The following PTK2 variants were observed in gnomAD, a reference collection of about 807,000 sequenced individuals.
The protein encoded by PTK2 is focal adhesion kinase 1.
In PTK2, 45 loss-of-function variants were observed where a neutral mutation model predicts 150.1. That is an observed-to-expected ratio of 0.30 (90% CI 0.24 to 0.38). The LOEUF (loss-of-function observed/expected upper bound fraction) is 0.38, where lower values mean the gene tolerates loss of function less well. PTK2 is among the 10% of genes least tolerant of loss of function. The pLI, the probability that PTK2 is intolerant of heterozygous loss-of-function variation, is 1.00. For missense variants in PTK2, 919 were observed against 1,307.3 expected (o/e 0.70, Z 4.58); for synonymous variants, 432 against 449.2 (o/e 0.96, Z 0.48).
chr8:140,831,908 T>C (rs1354195737), intron 7 of PTK2, among the ~76,000 whole-genome samples: 1 of 152,190 alleles, frequency 6.6e-6, no homozygotes, highest in Non-Finnish European at 1.5e-5. Flanking sequence ...ATTTTAAGAA[T>C]TTTTATGCCA....
intron 27 of PTK2, among the ~76,000 whole-genome samples, chr8:140,684,563 C>A (rs1441525446): frequency 2.0e-5 from 3 of 152,206 alleles, no homozygotes; most frequent in Non-Finnish European, 4.4e-5. Context: ...TTTCTCTACA[C>A]CAACAACATC....
intron 4 of PTK2, among the ~76,000 whole-genome samples, chr8:140,876,816 T>C (rs1042057926): frequency 2.0e-5 from 3 of 152,126 alleles, no homozygotes; most frequent in Admixed American, 6.5e-5. Context: ...AATCCTGTGA[T>C]TTCTACAACT....
chr8:140,905,846 A>G (rs1398206305), intron 2 of PTK2, among the ~76,000 whole-genome samples: 1 of 152,220 alleles, frequency 6.6e-6, no homozygotes, highest in Non-Finnish European at 1.5e-5. Flanking sequence ...ATCAAATTGG[A>G]ACTCAGGATT....
intron 1 of PTK2, among the ~76,000 whole-genome samples, chr8:140,982,064 TAAAA>T (rs142919207): frequency 6.6e-4 from 74 of 112,316 alleles, no homozygotes; most frequent in African/African-American, 6.5e-4. Context: ...ACCAACTCAA[TAAAA>T]AAAAAAAAAA....
At chr8:140,767,041 C>T (rs1203314891) in intron 14 of PTK2, among the ~76,000 whole-genome samples, 2 of 152,166 alleles carry the variant, frequency 1.3e-5, no homozygotes, top group Non-Finnish European at 2.9e-5. Flanking sequence ...TTCCTGTGTG[C>T]TGATACTCTC....
intron 1 of PTK2, among the ~76,000 whole-genome samples, chr8:140,936,965 G>A (rs183206239): frequency 7.5e-4 from 114 of 151,690 alleles, no homozygotes; most frequent in Admixed American, 2.4e-3. Context: ...TTTGGGATAC[G>A]GCCTTTCCAT....
chr8:140,841,780 A>G (rs990773776), intron 7 of PTK2, among the ~76,000 whole-genome samples: 74 of 151,966 alleles, frequency 4.9e-4, no homozygotes, highest in African/African-American at 1.6e-3. Flanking sequence ...GTTAATTTAC[A>G]AAAAAAACTT....
chr8:141,000,256 G>A (rs1290966383), intron 1 of PTK2, among the ~76,000 whole-genome samples: 1 of 152,208 alleles, frequency 6.6e-6, no homozygotes, highest in Admixed American at 6.5e-5. Flanking sequence ...AACTTGGGAA[G>A]CACAATGACT....
chr8:140,783,462 T>C (rs1264048111), intron 14 of PTK2, among the ~76,000 whole-genome samples: 1 of 152,172 alleles, frequency 6.6e-6, no homozygotes, highest in African/African-American at 2.4e-5. Flanking sequence ...CCAGGCATGA[T>C]CTCTAAGACA....
chr8:140,823,288 C>G (rs543156660), intron 8 of PTK2, among the ~76,000 whole-genome samples: 1 of 152,032 alleles, frequency 6.6e-6, no homozygotes, highest in Non-Finnish European at 1.5e-5. Flanking sequence ...AAAATAGGTA[C>G]AGAAAAAAAG....
At chr8:140,864,758 T>C (rs1472716903) in intron 4 of PTK2, among the ~76,000 whole-genome samples, 2 of 152,216 alleles carry the variant, frequency 1.3e-5, no homozygotes, top group African/African-American at 4.8e-5. Context: ...CTGCACAGTA[T>C]GTACTCTTAC....
At chr8:140,887,643 C>G (rs1166645478) in intron 3 of PTK2, among the ~76,000 whole-genome samples, 1 of 151,996 alleles carries the variant, frequency 6.6e-6, no homozygotes, top group African/African-American at 2.4e-5. Flanking sequence ...CACTGTCCAG[C>G]AGAAATATAA....
At chr8:140,676,972 T>C (rs1231736505) in intron 27 of PTK2, among the ~76,000 whole-genome samples, 4 of 147,282 alleles carry the variant, frequency 2.7e-5, no homozygotes, top group Non-Finnish European at 6.0e-5. Flanking sequence ...AATGACTTAA[T>C]GGGTATAATG....
At chr8:140,693,088 T>C (rs2100024181) in intron 26 of PTK2, among the ~76,000 whole-genome samples, 1 of 151,376 alleles carries the variant, frequency 6.6e-6, no homozygotes. Context: ...AGTTGCAAAG[T>C]TACTCTATTT....
intron 22 of PTK2, among the ~76,000 whole-genome samples, chr8:140,728,658 C>T (rs1416580307): frequency 6.6e-6 from 1 of 152,056 alleles, no homozygotes; most frequent in African/African-American, 2.4e-5. Context: ...AGCTGGGATT[C>T]ACAGGCATCT....
intron 27 of PTK2, among the ~76,000 whole-genome samples, chr8:140,680,593 A>G (rs2100016411): frequency 6.6e-6 from 1 of 152,220 alleles, no homozygotes; most frequent in Admixed American, 6.5e-5. Flanking sequence ...ACTGGAACAC[A>G]AAGAATTTTC....
chr8:140,684,597 G>A (rs762699796), intron 27 of PTK2, among the ~76,000 whole-genome samples: 1 of 152,204 alleles, frequency 6.6e-6, no homozygotes, highest in Non-Finnish European at 1.5e-5. Context: ...AATCAAGAAT[G>A]CAATCCCATT....
At chr8:140,987,749 A>C (rs1178795522) in intron 1 of PTK2, among the ~76,000 whole-genome samples, 1 of 152,242 alleles carries the variant, frequency 6.6e-6, no homozygotes, top group Non-Finnish European at 1.5e-5. Flanking sequence ...TGGCACTTTA[A>C]GAATTTCAAC....
intron 2 of PTK2, among the ~76,000 whole-genome samples, chr8:140,900,197 A>G (rs1377858275): frequency 6.6e-6 from 1 of 152,194 alleles, no homozygotes; most frequent in African/African-American, 2.4e-5. Flanking sequence ...TAACCCAAAG[A>G]CTTCACCAAA....
Sources: gnomAD v4.1 joint callset for allele counts (sites outside exome capture counted in the v4.1 genomes callset) on GRCh38, gnomAD v4.1.1 for gene constraint, MANE v1.5 for transcripts, NCBI Gene and HGNC (gene_info 2026-07-23, HGNC 2026-07-21) for gene names.